Variants in HPCA observed in about 807,000 individuals in gnomAD.
HPCA encodes neuron-specific calcium-binding protein hippocalcin.
Under a neutral mutation model 18.2 loss-of-function variants are expected in HPCA, and 4 were observed. The observed-to-expected ratio is 0.22, with a 90% CI of 0.11 to 0.50. The LOEUF (loss-of-function observed/expected upper bound fraction) is 0.50, where lower values mean the gene tolerates loss of function less well. Ranked by LOEUF, HPCA falls within the 20% of genes least tolerant of loss-of-function variation. The pLI is 0.97. For synonymous variants in HPCA, 93 were observed against 103.5 expected, an observed-to-expected ratio of 0.90 and a Z score of 0.61; for missense variants, 161 against 265.8, an observed-to-expected ratio of 0.61 and a Z score of 2.74.
Position 32,893,924 on chromosome 1 carries a change from C to A in HPCA, c.*62C>A. 3 of 1,200,042 alleles carry A rather than the reference C, an allele frequency of 2.5e-6. No individual in the cohort carries two copies. The highest frequency in any genetic ancestry group is 1.3e-5 in the South Asian group (1 of 76,040). The allele number at this position is 1,200,042 out of a possible 1,614,324, so 74.3% of individuals were successfully genotyped here. ...GCCCCCTCCCGGCTCTTAGCTTCCA[C>A]TCCCTTGTGTGTATTCTGGCTGGGG... On this transcript the variant is annotated 3_prime_UTR_variant, in exon 4 of 4. Coordinates refer to ENST00000373467, the MANE Select transcript of HPCA (RefSeq NM_002143.3). This position sits in a 1 kb window ranked among gnomAD's most constrained non-coding sequence, Gnocchi z 7.5.
In HPCA at chr1:32,894,464, T is replaced by C. The variant is rs1239519025; in HGVS notation, c.*602T>C. 4.9e-5 allele frequency: 14 copies of C among 284,258 alleles called. No homozygotes were observed. Among genetic ancestry groups the C allele is most frequent in the Non-Finnish European group, 7.5e-5 (11 of 146,928 alleles). The allele number at this position is 284,258 out of a possible 1,614,324, so 17.6% of individuals were successfully genotyped here. A position where few individuals can be genotyped will look rare whatever the true frequency, so the allele number is the denominator to read the frequency against. ...GGCCTCTCACACACACACAGGCCCA[T>C]AGACAGATGGGCAGATGCACCCAGA... On this transcript the variant is annotated 3_prime_UTR_variant, in exon 4 of 4. Transcript: ENST00000373467.
rs1557542138 is a variant in HPCA at position 32,893,746 on chromosome 1, C to A, written c.485-19C>A. 1 of 1,566,152 alleles carries A rather than the reference C, an allele frequency of 6.4e-7. No individual in the cohort carries two copies. Among genetic ancestry groups the A allele is most frequent in the African/African-American group, 1.4e-5 (1 of 73,612 alleles). ...AGGCTGCCGCCTCCTCCCCCATCAC[C>A]GCTCCCCTCGCCCTGCAGGCAAGCT... On this transcript the variant is annotated intron_variant, in intron 3 of 3. Transcript: ENST00000373467. This position sits in a 1 kb window ranked among gnomAD's most constrained non-coding sequence, Gnocchi z 7.5.
intron 2 of HPCA, among the ~76,000 whole-genome samples, chr1:32,892,971 C>T (rs936790462): frequency 6.6e-6 from 1 of 152,156 alleles, no homozygotes; most frequent in African/African-American, 2.4e-5. Context: ...CATTTGCATT[C>T]ATTTGCATAC....
chr1:32,887,863 C>T lies in HPCA; in HGVS notation c.-21-1015C>T, dbSNP rs542625679. ...TTGTGCGTGGTGCCATGTGTCGATT[C>T]GTGTGAGTTGTGGAGCAGAGGGAAT... On this transcript the variant is annotated intron_variant, in intron 1 of 3. Coordinates refer to ENST00000373467, the MANE Select transcript of HPCA (RefSeq NM_002143.3). 2.4e-4 allele frequency among the ~76,000 whole-genome samples: 37 copies of T among 151,954 alleles called. No individual in the cohort carries two copies. In the South Asian group the frequency reaches 6.5e-3, roughly 26 times the overall value.
At chr1:32,891,066 G>A (rs892083866) in intron 2 of HPCA, among the ~76,000 whole-genome samples, 5 of 152,222 alleles carry the variant, frequency 3.3e-5, no homozygotes, top group Admixed American at 3.3e-4. Context: ...GCACTGGTGT[G>A]TACTGGTAAA....
intron 2 of HPCA, among the ~76,000 whole-genome samples, chr1:32,890,990 G>A (rs964816224): frequency 1.3e-5 from 2 of 152,232 alleles, no homozygotes; most frequent in African/African-American, 4.8e-5. Flanking sequence ...AGGATCACCC[G>A]GACATGGACA....
At chr1:32,887,885 G>A (rs1641396377) in intron 1 of HPCA, among the ~76,000 whole-genome samples, 1 of 151,998 alleles carries the variant, frequency 6.6e-6, no homozygotes, top group South Asian at 2.1e-4. Context: ...GGAGCAGAGG[G>A]AATGTCGTCA....
chr1:32,890,321 G>A (rs555994395), intron 2 of HPCA, among the ~76,000 whole-genome samples: 30 of 152,326 alleles, frequency 2.0e-4, no homozygotes, highest in Admixed American at 5.9e-4. Context: ...GGATATAAAT[G>A]CCTTTTGTTA....
chr1:32,887,533 A>G (rs146332604), intron 1 of HPCA, among the ~76,000 whole-genome samples: 1 of 151,894 alleles, frequency 6.6e-6, no homozygotes, highest in East Asian at 1.9e-4. Flanking sequence ...TCTAACCTGC[A>G]CTCAGGGGAC....
At position 32,889,023 on chromosome 1, in the gene HPCA, T is replaced by C. The variant is rs1239417417; in HGVS notation, c.125T>C (p.Ile42Thr). Residue 42 changes from isoleucine to threonine, a missense_variant, in exon 2 of 4, where the codon ATC (isoleucine) becomes ACC (threonine). Physicochemically the swap from Ile to Thr is moderately conservative, Grantham distance 89. Transcript: ENST00000373467. This position sits in a 1 kb window ranked among gnomAD's most constrained non-coding sequence, Gnocchi z 4.6. ...TTCCTCAAGGACTGCCCCACAGGAA[T>C]CCTCAATGTGGATGAGTTCAAGAAG... ...KGFLKDCPTGILNVDEFKKIY... is the reference protein window; with the variant it reads ...KGFLKDCPTGTLNVDEFKKIY... The C allele has an allele frequency of 6.2e-7, 1 of 1,614,200 alleles. No individual in the cohort carries two copies. The highest frequency in any genetic ancestry group is 8.5e-7 in the Non-Finnish European group (1 of 1,180,032).
chr1:32,893,758 C>T lies in HPCA; in HGVS notation c.485-7C>T. On this transcript the variant is annotated splice_region_variant and splice_polypyrimidine_tract_variant and intron_variant, in intron 3 of 3. Transcript: ENST00000373467. The surrounding 1 kb of genome is among the most constrained non-coding windows in gnomAD (Gnocchi z 7.5). ...CCTCCCCCATCACCGCTCCCCTCGC[C>T]CTGCAGGCAAGCTGTCCTTGGAGGA... is the stretch of plus-strand genomic sequence containing the variant. The T allele has an allele frequency of 1.3e-6, 2 of 1,573,614 alleles. No homozygotes were observed. The highest frequency in any genetic ancestry group is 1.7e-6 in the Non-Finnish European group (2 of 1,160,056).
At chr1:32,887,378 T>C (rs138640380) in intron 1 of HPCA, among the ~76,000 whole-genome samples, 3 of 152,270 alleles carry the variant, frequency 2.0e-5, no homozygotes, top group Non-Finnish European at 4.4e-5. Flanking sequence ...CCCATTCACA[T>C]GTGTGCAGAG....
Position 32,893,792 on chromosome 1 carries a change from G to A in HPCA, c.512G>A (p.Arg171His). The A allele has an allele frequency of 6.3e-7, 1 of 1,579,766 alleles. No individual in the cohort carries two copies. Among genetic ancestry groups the A allele is most frequent in the Non-Finnish European group, 8.6e-7 (1 of 1,163,756 alleles). Residue 171 changes from arginine (R) to histidine (H), a missense_variant, in exon 4 of 4, where the codon CGC (arginine) becomes CAC (histidine). Arg to His is a conservative substitution (Grantham distance 29, BLOSUM62 0). Transcript: ENST00000373467. This position sits in a 1 kb window ranked among gnomAD's most constrained non-coding sequence, Gnocchi z 7.5. ...AAGCTGTCCTTGGAGGAGTTCATCC[G>A]CGGGGCCAAAAGCGACCCGTCCATC... is the stretch of plus-strand genomic sequence containing the variant. ...DGKLSLEEFIRGAKSDPSIVR... is the reference protein window; with the variant it reads ...DGKLSLEEFIHGAKSDPSIVR...
rs1347723821 is a variant in HPCA at position 32,889,579 on chromosome 1, C to T, written c.378+303C>T. On this transcript the variant is annotated intron_variant, in intron 2 of 3. Transcript: ENST00000373467. The surrounding 1 kb of genome is among the most constrained non-coding windows in gnomAD (Gnocchi z 4.6). ...TTTTCTTGCTGTTCTGAACATTGGCCCTTTACCCCTGGATACATTAGGATA... is the reference window on the plus strand; with the variant it reads ...TTTTCTTGCTGTTCTGAACATTGGCTCTTTACCCCTGGATACATTAGGATA... 6.6e-6 allele frequency among the ~76,000 whole-genome samples: 1 copy of T among 152,140 alleles called. No individual in the cohort carries two copies. The highest frequency in any genetic ancestry group is 2.4e-5 in the African/African-American group (1 of 41,422).
chr1:32,889,313 GC>G lies in HPCA; in HGVS notation c.378+40del. 1 of 1,576,322 alleles carries G rather than the reference GC, an allele frequency of 6.3e-7. No individual in the cohort carries two copies. Among genetic ancestry groups the G allele is most frequent in the Non-Finnish European group, 8.6e-7 (1 of 1,160,310 alleles). Reference sequence around the variant, plus strand: ...GGCCCCTCAGAATGCCAGGCACAGGGCCCGGCAGCTTGCACCCACCACCCCT... The same window carrying G: ...GGCCCCTCAGAATGCCAGGCACAGGGCCGGCAGCTTGCACCCACCACCCCT... On this transcript the variant is annotated intron_variant, in intron 2 of 3. Coordinates refer to ENST00000373467, the MANE Select transcript of HPCA (RefSeq NM_002143.3). This position sits in a 1 kb window ranked among gnomAD's most constrained non-coding sequence, Gnocchi z 4.6.
At position 32,893,474 on chromosome 1, in the gene HPCA, G is replaced by T. The variant is rs747528254; in HGVS notation, c.379-50G>T. The T allele has an allele frequency of 5.2e-6, 7 of 1,336,114 alleles. No homozygotes were observed. In the South Asian group the frequency reaches 8.3e-5, roughly 16 times the overall value. The allele number at this position is 1,336,114 out of a possible 1,614,324, so 82.8% of individuals were successfully genotyped here. On this transcript the variant is annotated intron_variant, in intron 2 of 3. Coordinates refer to ENST00000373467, the MANE Select transcript of HPCA (RefSeq NM_002143.3). This position sits in a 1 kb window ranked among gnomAD's most constrained non-coding sequence, Gnocchi z 7.5. ...GGGGGCGCCTCTGAATCTTGCGGGT[G>T]GGGGCTCGGGCAGGCTCCTCTCACT...
intron 1 of HPCA, among the ~76,000 whole-genome samples, chr1:32,887,313 G>A (rs1180676577): frequency 1.3e-5 from 2 of 152,164 alleles, no homozygotes; most frequent in South Asian, 4.1e-4. Context: ...GCAGGCAAAT[G>A]CAATGCAAAA....
Position 32,893,972 on chromosome 1 carries a change from C to G in HPCA, c.*110C>G. On this transcript the variant is annotated 3_prime_UTR_variant, in exon 4 of 4. Coordinates refer to ENST00000373467, the MANE Select transcript of HPCA (RefSeq NM_002143.3). The surrounding 1 kb of genome is among the most constrained non-coding windows in gnomAD (Gnocchi z 7.5). ...GGGGCCAGATTGGGGAAGCCCTTCTCCCCGGGTCTGCCCTGTGGGGGGCTT... is the reference window on the plus strand; with the variant it reads ...GGGGCCAGATTGGGGAAGCCCTTCTGCCCGGGTCTGCCCTGTGGGGGGCTT... The G allele has an allele frequency of 1.2e-6, 1 of 853,196 alleles. No individual in the cohort carries two copies. Among genetic ancestry groups the G allele is most frequent in the Non-Finnish European group, 1.8e-6 (1 of 541,288 alleles). 52.9% of individuals were successfully genotyped at this position (853,196 alleles called of 1,614,324 possible). A position where few individuals can be genotyped will look rare whatever the true frequency, so the allele number is the denominator to read the frequency against.
rs1213144011 is a variant in HPCA at position 32,893,700 on chromosome 1, C to T, written c.485-65C>T. 6 of 819,968 alleles carry T rather than the reference C, an allele frequency of 7.3e-6. No individual in the cohort carries two copies. The African/African-American group carries it at 1.1e-4, about 15-fold the overall frequency. The allele number at this position is 819,968 out of a possible 1,614,324, so 50.8% of individuals were successfully genotyped here. On this transcript the variant is annotated intron_variant, in intron 3 of 3. Coordinates refer to ENST00000373467, the MANE Select transcript of HPCA (RefSeq NM_002143.3). This position sits in a 1 kb window ranked among gnomAD's most constrained non-coding sequence, Gnocchi z 7.5. ...CCTCCCTCCCTCCCTGCCTCCCTTT[C>T]CCGCTCCGCCTCCCCTCGCTAGGCT... is the stretch of plus-strand genomic sequence containing the variant.
Sources: gnomAD v4.1 joint callset for allele counts (sites outside exome capture counted in the v4.1 genomes callset) on GRCh38, gnomAD v4.1.1 for gene constraint, Gnocchi (gnomAD v3.1) non-coding constraint, MANE v1.5 for transcripts, NCBI Gene and HGNC (gene_info 2026-07-23, HGNC 2026-07-21) for gene names.